PTPRA: variants seen among roughly 807,000 people sequenced by gnomAD.
The protein encoded by PTPRA is receptor-type tyrosine-protein phosphatase alpha.
PTPRA carries 25 observed loss-of-function variants against 104.8 expected under a neutral mutation model. The ratio of observed to expected loss-of-function variants is 0.24; its 90% confidence interval spans 0.17 to 0.33. The LOEUF (loss-of-function observed/expected upper bound fraction) is 0.33. PTPRA is among the 10% of genes least tolerant of loss of function. The pLI is 1.00. For missense variants in PTPRA, 765 were observed against 1,015.3 expected (o/e 0.75, Z 3.35); for synonymous variants, 323 against 368.9 (o/e 0.88, Z 1.43).
chr20:2,943,734 T>A (rs1306891949), intron 2 of PTPRA, among the ~76,000 whole-genome samples: 1 of 152,192 alleles, frequency 6.6e-6, no homozygotes. Flanking sequence ...AAGAACTATC[T>A]TGCATGTAGC....
In PTPRA at chr20:3,027,908, G is replaced by A. The variant is rs1380230441; in HGVS notation, c.1920+67G>A. Reference sequence around the variant, plus strand: ...ATGAAAAGATGTGTGTGTAAATGGGGACGTTGGGAAGGCAAGAAGGTGTTT... The same window carrying A: ...ATGAAAAGATGTGTGTGTAAATGGGAACGTTGGGAAGGCAAGAAGGTGTTT... On this transcript the variant is annotated intron_variant, in intron 20 of 23. Transcript: ENST00000399903. 1.3e-5 allele frequency: 21 copies of A among 1,593,312 alleles called. No homozygotes were observed. The Admixed American group carries it at 1.6e-4, about 12-fold the overall frequency.
intron 1 of PTPRA, among the ~76,000 whole-genome samples, chr20:2,905,287 T>C (rs1303832376): frequency 1.3e-5 from 2 of 152,148 alleles, no homozygotes; most frequent in Admixed American, 1.3e-4. Flanking sequence ...CCGCTGATAA[T>C]AGAGTATATA....
intron 1 of PTPRA, among the ~76,000 whole-genome samples, chr20:2,921,216 A>G (rs1355634898): frequency 1.3e-5 from 2 of 152,074 alleles, no homozygotes; most frequent in Non-Finnish European, 2.9e-5. Context: ...TTTAGTTTAA[A>G]CTATTAATAG....
intron 5 of PTPRA, among the ~76,000 whole-genome samples, chr20:2,973,238 G>A (rs1423520382): frequency 2.0e-5 from 3 of 150,556 alleles, no homozygotes; most frequent in African/African-American, 4.9e-5. Context: ...TTATGTTTAC[G>A]TTTTCTATTT....
At chr20:2,877,147 G>A (rs1378023365) in intron 1 of PTPRA, among the ~76,000 whole-genome samples, 2 of 152,190 alleles carry the variant, frequency 1.3e-5, no homozygotes, top group Non-Finnish European at 2.9e-5. Context: ...TGCAGGGGAA[G>A]TTTGAGTTAT....
chr20:2,864,770 T>C, the PTPRA span: 2 of 1,226,816 alleles, frequency 1.6e-6, no homozygotes, highest in Non-Finnish European at 2.3e-6. The surrounding 1 kb of genome is among the most constrained non-coding windows in gnomAD (Gnocchi z 5.2). Context: ...TGGTCCTCAC[T>C]GTGAGGGAGA....
At chr20:2,887,721 A>G (rs912795609) in intron 1 of PTPRA, among the ~76,000 whole-genome samples, 1 of 152,248 alleles carries the variant, frequency 6.6e-6, no homozygotes, top group African/African-American at 2.4e-5. Flanking sequence ...AAATGCATTG[A>G]TACTACCATT....
chr20:3,036,789 G>C (rs1015936776), intron 22 of PTPRA, among the ~76,000 whole-genome samples: 1 of 152,228 alleles, frequency 6.6e-6, no homozygotes, highest in South Asian at 2.1e-4. Flanking sequence ...CCAGTGTAGG[G>C]AGTGGGGTTT....
intron 11 of PTPRA, among the ~76,000 whole-genome samples, chr20:3,013,124 GTC>G (rs776497539): frequency 3.5e-4 from 53 of 151,744 alleles, no homozygotes; most frequent in Non-Finnish European, 7.3e-5. Context: ...GAACCTCAGT[GTC>G]TAAATACAAT....
At chr20:3,027,070 G>A in intron 18 of PTPRA, 51 bp from the exon 19 acceptor site, 1 of 1,578,022 alleles carries the variant, frequency 6.3e-7, no homozygotes, top group South Asian at 1.1e-5. Context: ...TGCAAGGAGA[G>A]GGAGAGGACA....
intron 5 of PTPRA, among the ~76,000 whole-genome samples, chr20:2,966,708 A>G (rs565425150): frequency 5.9e-5 from 9 of 152,290 alleles, no homozygotes; most frequent in African/African-American, 2.2e-4. Flanking sequence ...AGGTGAAAGT[A>G]TTTTACAATG....
In PTPRA at chr20:3,037,224, A is replaced by C; in HGVS notation, c.2269A>C (p.Ile757Leu). Residue 757 changes from isoleucine to leucine, a missense_variant, in exon 23 of 24, where the codon ATT (isoleucine) becomes CTT (leucine). Ile to Leu is a conservative substitution (Grantham distance 5). Around this residue, in one of 4 missense-constraint regions of PTPRA, gnomAD observed 72 missense variants for 140.7 expected, o/e 0.51. Coordinates refer to ENST00000399903, the MANE Select transcript of PTPRA (RefSeq NM_001385305.1). This position sits in a 1 kb window ranked among gnomAD's most constrained non-coding sequence, Gnocchi z 4.3. ...TVLERVKAEGILDVFQTVKSL... is the reference protein window; with the variant it reads ...TVLERVKAEGLLDVFQTVKSL... ...CCTGGAGCGTGTGAAAGCAGAGGGG[A>C]TTTTGGATGTCTTCCAGACTGTCAA... is the stretch of plus-strand genomic sequence containing the variant. 6.2e-7 allele frequency: 1 copy of C among 1,614,164 alleles called. No homozygotes were observed. The highest frequency in any genetic ancestry group is 8.5e-7 in the Non-Finnish European group (1 of 1,180,020).
At chr20:2,955,744 A>C (rs751504107) in intron 3 of PTPRA, 4 of 875,642 alleles carry the variant, frequency 4.6e-6, no homozygotes, top group Non-Finnish European at 4.1e-6. Context: ...ACTCCTGCCT[A>C]CTGTGTTTCT....
intron 1 of PTPRA, among the ~76,000 whole-genome samples, chr20:2,901,920 C>T (rs1055869349): frequency 5.3e-5 from 8 of 150,994 alleles, no homozygotes; most frequent in Non-Finnish European, 8.8e-5. Context: ...GAGTCTCGCT[C>T]TGTCACCCAG....
intron 1 of PTPRA, among the ~76,000 whole-genome samples, chr20:2,915,761 G>A (rs2059881809): frequency 6.6e-6 from 1 of 152,148 alleles, no homozygotes. Flanking sequence ...GCTGAGACAG[G>A]CGGATTGCCT....
At chr20:2,932,155 G>A (rs1313081163) in intron 2 of PTPRA, among the ~76,000 whole-genome samples, 1 of 152,170 alleles carries the variant, frequency 6.6e-6, no homozygotes, top group Non-Finnish European at 1.5e-5. Context: ...TTGAGAATAA[G>A]TTGACCATAA....
At chr20:3,006,811 A>G (rs1015269805) in intron 10 of PTPRA, among the ~76,000 whole-genome samples, 2 of 152,056 alleles carry the variant, frequency 1.3e-5, no homozygotes, top group Non-Finnish European at 2.9e-5. Context: ...TTGTATTTTT[A>G]GTAGAGACGG....
chr20:2,884,117 CGACATTTG>C (rs989630057), intron 1 of PTPRA, among the ~76,000 whole-genome samples: 4 of 152,034 alleles, frequency 2.6e-5, no homozygotes, highest in Non-Finnish European at 5.9e-5. Flanking sequence ...TATTGATATA[CGACATTTG>C]GCTAACTGGT....
chr20:2,928,490 C>T (rs1031097983), intron 2 of PTPRA, among the ~76,000 whole-genome samples: 1 of 152,150 alleles, frequency 6.6e-6, no homozygotes, highest in Non-Finnish European at 1.5e-5. Flanking sequence ...TATTTTTCCT[C>T]AAAACTTTGA....
Sources: allele counts gnomAD v4.1 joint callset (sites outside exome capture counted in the v4.1 genomes callset), GRCh38; gene constraint gnomAD v4.1.1; regional missense constraint gnomAD v4.1.1; non-coding constraint Gnocchi (gnomAD v3.1); transcripts MANE v1.5; gene names NCBI Gene and HGNC (gene_info 2026-07-23, HGNC 2026-07-21).